CYSTM1: variants seen among roughly 807,000 people sequenced by gnomAD.
The protein encoded by CYSTM1 is cysteine rich transmembrane module containing 1, also known as cysteine-rich transmembrane module-containing protein 1.
CYSTM1 carries 4 observed loss-of-function variants against 13.1 expected under a neutral mutation model. That is an observed-to-expected ratio of 0.31 (90% CI 0.15 to 0.70). CYSTM1 has a LOEUF of 0.70. CYSTM1 is among the 30% of genes least tolerant of loss of function. The pLI is 0.72. For synonymous variants in CYSTM1, 36 were observed against 42.7 expected, an observed-to-expected ratio of 0.84 and a Z score of 0.62; for missense variants, 96 against 121.6, an observed-to-expected ratio of 0.79 and a Z score of 0.99.
chr5:140,188,504 A>G (rs1764049724), intron 1 of CYSTM1, among the ~76,000 whole-genome samples: 1 of 152,206 alleles, frequency 6.6e-6, no homozygotes, highest in Non-Finnish European at 1.5e-5. Flanking sequence ...AGAAATACAG[A>G]CGAGTGGCTG....
At chr5:140,233,234 T>G (rs1764637309) in intron 2 of CYSTM1, among the ~76,000 whole-genome samples, 1 of 152,100 alleles carries the variant, frequency 6.6e-6, no homozygotes, top group Admixed American at 6.5e-5. Context: ...CACAGGAGAT[T>G]TGGGATGGTA....
At chr5:140,184,041 C>G (rs1009763407) in intron 1 of CYSTM1, among the ~76,000 whole-genome samples, 1 of 152,054 alleles carries the variant, frequency 6.6e-6, no homozygotes, top group Non-Finnish European at 1.5e-5. Context: ...AGATGATTAG[C>G]AAGGGTTTTA....
intron 2 of CYSTM1, among the ~76,000 whole-genome samples, chr5:140,209,140 G>A (rs536699354): frequency 9.9e-5 from 15 of 152,218 alleles, no homozygotes; most frequent in African/African-American, 3.4e-4. Context: ...CTTGTCACGT[G>A]ATTCAAGATG....
intron 1 of CYSTM1, among the ~76,000 whole-genome samples, chr5:140,189,913 T>C (rs11952263): frequency 1.6e-3 from 239 of 152,348 alleles, no homozygotes; most frequent in African/African-American, 5.4e-3. Context: ...TGATATGTTG[T>C]GATTTTTTTT....
intron 2 of CYSTM1, among the ~76,000 whole-genome samples, chr5:140,216,513 G>C (rs1420374731): frequency 3.9e-5 from 6 of 152,136 alleles, no homozygotes; most frequent in Non-Finnish European, 8.8e-5. Context: ...GCAGATCATC[G>C]CAGTGTTTGA....
chr5:140,187,646 G>A (rs1327110525), intron 1 of CYSTM1, among the ~76,000 whole-genome samples: 1 of 152,198 alleles, frequency 6.6e-6, no homozygotes, highest in Non-Finnish European at 1.5e-5. Flanking sequence ...GGGATTACAG[G>A]TGTGAACCAT....
chr5:140,191,612 A>G (rs1451916286), intron 1 of CYSTM1, among the ~76,000 whole-genome samples: 1 of 152,194 alleles, frequency 6.6e-6, no homozygotes, highest in Non-Finnish European at 1.5e-5. Context: ...CTCACTGCCC[A>G]TTGTTTTTAG....
intron 2 of CYSTM1, among the ~76,000 whole-genome samples, chr5:140,232,557 G>A (rs1169069082): frequency 6.6e-6 from 1 of 152,220 alleles, no homozygotes; most frequent in Non-Finnish European, 1.5e-5. Context: ...GTTGCTGAGA[G>A]ATTAGGTAAA....
intron 2 of CYSTM1, among the ~76,000 whole-genome samples, chr5:140,208,061 A>G (rs549881103): frequency 1.4e-4 from 22 of 152,336 alleles, no homozygotes; most frequent in African/African-American, 5.1e-4. Context: ...AAATAGAGGT[A>G]CTCTATGATC....
intron 1 of CYSTM1, among the ~76,000 whole-genome samples, chr5:140,183,136 C>T (rs1763977884): frequency 6.6e-6 from 1 of 152,230 alleles, no homozygotes; most frequent in African/African-American, 2.4e-5. Flanking sequence ...CAGGCAGAGC[C>T]TGTCTTTCAG....
rs113068602 is a variant in CYSTM1 at position 140,228,570 on chromosome 5, T to C, written c.188-14735T>C. Among the ~76,000 whole-genome samples, 1,411 of 152,300 alleles carry C rather than the reference T, an allele frequency of 9.3e-3. 26 individuals carry two copies. Among genetic ancestry groups the C allele is most frequent in the African/African-American group, 0.033 (1,355 of 41,560 alleles). On this transcript the variant is annotated intron_variant, in intron 2 of 2. Coordinates refer to ENST00000261811, the MANE Select transcript of CYSTM1 (RefSeq NM_032412.4). ...AGACACTGAAACAGGGAAAGCGCAG[T>C]GAACCAGATCAGCTTGGCCCCTGCC...
intron 1 of CYSTM1, among the ~76,000 whole-genome samples, chr5:140,185,492 T>C (rs897184140): frequency 9.9e-5 from 15 of 152,252 alleles, no homozygotes; most frequent in African/African-American, 3.6e-4. Context: ...GAATCAGTAT[T>C]TGGACAATAA....
chr5:140,215,435 C>T (rs1280191210), intron 2 of CYSTM1, among the ~76,000 whole-genome samples: 1 of 151,980 alleles, frequency 6.6e-6, no homozygotes, highest in African/African-American at 2.4e-5. Flanking sequence ...TGGTTTCTTC[C>T]AAACCCCTAC....
chr5:140,188,588 G>A (rs1185098412), intron 1 of CYSTM1, among the ~76,000 whole-genome samples: 2 of 151,944 alleles, frequency 1.3e-5, no homozygotes, highest in African/African-American at 4.8e-5. Flanking sequence ...TCAGGAGATC[G>A]AGACCACGGT....
intron 2 of CYSTM1, among the ~76,000 whole-genome samples, chr5:140,207,090 C>T (rs1456667313): frequency 1.3e-5 from 2 of 152,188 alleles, no homozygotes; most frequent in Non-Finnish European, 2.9e-5. Flanking sequence ...ACAGGGCCAG[C>T]ATCTTTTAAG....
chr5:140,241,142 T>A (rs754334685), intron 2 of CYSTM1, among the ~76,000 whole-genome samples: 1 of 152,182 alleles, frequency 6.6e-6, no homozygotes, highest in Non-Finnish European at 1.5e-5. Context: ...GTATGTTATG[T>A]GAAAGCCCTG....
At chr5:140,196,894 T>C (rs1008237539) in intron 2 of CYSTM1, among the ~76,000 whole-genome samples, 3 of 152,208 alleles carry the variant, frequency 2.0e-5, no homozygotes, top group African/African-American at 7.2e-5. Flanking sequence ...ATTCATTGGG[T>C]TAGGAACAAA....
At chr5:140,188,979 T>C (rs1764057850) in intron 1 of CYSTM1, among the ~76,000 whole-genome samples, 1 of 152,246 alleles carries the variant, frequency 6.6e-6, no homozygotes, top group Non-Finnish European at 1.5e-5. Flanking sequence ...CAGCTCAAGA[T>C]ACAGAATGTT....
chr5:140,222,326 A>G (rs1764501521), intron 2 of CYSTM1, among the ~76,000 whole-genome samples: 1 of 152,246 alleles, frequency 6.6e-6, no homozygotes, highest in Admixed American at 6.5e-5. Flanking sequence ...CTAGGAAAGT[A>G]TATTTCTGAA....
Sources: allele counts gnomAD v4.1 joint callset (sites outside exome capture counted in the v4.1 genomes callset), GRCh38; gene constraint gnomAD v4.1.1; transcripts MANE v1.5; gene names NCBI Gene and HGNC (gene_info 2026-07-23, HGNC 2026-07-21).